Variants in CREBBP observed in about 807,000 individuals in gnomAD.
CREBBP encodes the protein CREB binding lysine acetyltransferase, also known as CREB-binding protein.
CREBBP carries 19 observed loss-of-function variants against 265.0 expected under a neutral mutation model. That is an observed-to-expected ratio of 0.07 (90% CI 0.05 to 0.11). CREBBP has a LOEUF of 0.11. Among genes scored for constraint, CREBBP ranks in the 10% least tolerant of loss-of-function variants. CREBBP has a pLI of 1.00. For synonymous variants in CREBBP, 1,457 were observed against 1,223.7 expected, an observed-to-expected ratio of 1.19 and a Z score of -3.98; for missense variants, 2,525 against 3,219.0, an observed-to-expected ratio of 0.78 and a Z score of 5.22.
chr16:3,786,724 G>A (rs2053396692), intron 5 of CREBBP, among the ~76,000 whole-genome samples: 1 of 152,146 alleles, frequency 6.6e-6, no homozygotes, highest in South Asian at 2.1e-4. Context: ...TATACCTGGG[G>A]TGTCCTGGAA....
intron 5 of CREBBP, among the ~76,000 whole-genome samples, chr16:3,788,022 A>G (rs1337465279): frequency 1.3e-5 from 2 of 152,204 alleles, no homozygotes; most frequent in Admixed American, 6.5e-5. Context: ...CAGATGGAAC[A>G]TGTTGCCAGG....
chr16:3,735,697 C>T (rs568553544), intron 28 of CREBBP, among the ~76,000 whole-genome samples: 1 of 152,278 alleles, frequency 6.6e-6, no homozygotes, highest in Admixed American at 6.5e-5. Context: ...AGAGTGGCCA[C>T]CAAACACGGA....
In CREBBP at chr16:3,853,339, G is replaced by A. The variant is rs147945637; in HGVS notation, c.86-2330C>T. Among the ~76,000 whole-genome samples, 449 of 152,304 alleles carry A rather than the reference G, an allele frequency of 2.9e-3. 6 individuals are homozygous for A. The highest frequency in any genetic ancestry group is 0.01 in the African/African-American group (429 of 41,566). ...TACTTTAAAACATCAGGCCGGGTGC[G>A]GTGGCTCACGCCTGTAATCCCAGCA... On this transcript the variant is annotated intron_variant, in intron 1 of 30. Transcript: ENST00000262367.
In CREBBP at chr16:3,793,590, G is replaced by T; in HGVS notation, c.1012C>A (p.Gln338Lys). Residue 338 changes from glutamine to lysine, a missense_variant, in exon 4 of 31, where the codon CAA (glutamine) becomes AAA (lysine). Physicochemically the swap from Gln to Lys is moderately conservative, Grantham distance 53 (BLOSUM62 1). This residue lies in a region of CREBBP where 126 missense variants were observed against 171.9 expected (regional missense o/e 0.73). Coordinates refer to ENST00000262367, the MANE Select transcript of CREBBP (RefSeq NM_004380.3). ...GCAGTGGGGCCTGTTGCAATTGCTT[G>T]TGTGGGTACAATTCCCACTGATGTT... ...MQTSVGIVPT[Q>K]AIATGPTADP... 6.2e-7 allele frequency: 1 copy of T among 1,613,652 alleles called. No homozygotes were observed. The highest frequency in any genetic ancestry group is 8.5e-7 in the Non-Finnish European group (1 of 1,180,012).
At position 3,880,104 on chromosome 16, in the gene CREBBP, G is replaced by T. The variant is rs2141618058; in HGVS notation, c.-188C>A. ...AGGCGGCGGCCAAATCTCAGCCACA[G>T]CAACAGCGCCCCGCAGCGCTCACCG... On this transcript the variant is annotated 5_prime_UTR_variant, in exon 1 of 31. It adds an upstream start codon to the 5' untranslated region. Transcript: ENST00000262367. 4.1e-6 allele frequency: 1 copy of T among 243,724 alleles called. No individual in the cohort carries two copies. 15.1% of individuals were successfully genotyped at this position (243,724 alleles called of 1,614,324 possible). A position where few individuals can be genotyped will look rare whatever the true frequency, so the allele number is the denominator to read the frequency against.
At chr16:3,768,600 AAGG>A (rs1334260060) in intron 15 of CREBBP, among the ~76,000 whole-genome samples, 1 of 152,228 alleles carries the variant, frequency 6.6e-6, no homozygotes, top group Non-Finnish European at 1.5e-5. Flanking sequence ...ATGAGACAGG[AAGG>A]AGCAGTGGGG....
At position 3,850,341 on chromosome 16, in the gene CREBBP, C is replaced by T. The variant is rs2054803591; in HGVS notation, c.754G>A (p.Gly252Ser). 3 of 1,614,094 alleles carry T rather than the reference C, an allele frequency of 1.9e-6. No homozygotes were observed. The highest frequency in any genetic ancestry group is 1.3e-5 in the African/African-American group (1 of 74,934). Residue 252 changes from glycine to serine, a missense_variant, in exon 2 of 31, where the codon GGT (glycine) becomes AGT (serine). Transcript: ENST00000262367. ...TLTQVSPQMT[G>S]HAGLNTAQAG... ...TGTGCGGTGTTCAGTCCCGCGTGAC[C>T]AGTCATTTGCGGGGAAACCTGCGTT...
chr16:3,747,114 T>C (rs1290622446), intron 21 of CREBBP, among the ~76,000 whole-genome samples: 1 of 151,810 alleles, frequency 6.6e-6, no homozygotes. Context: ...CCAAAAGCTC[T>C]TGCTTTAATT....
At chr16:3,774,404 T>G (rs756146487) in intron 12 of CREBBP, among the ~76,000 whole-genome samples, 165 bp downstream of exon 12, 1 of 152,134 alleles carries the variant, frequency 6.6e-6, no homozygotes, top group African/African-American at 2.4e-5. Flanking sequence ...AATAATTCTG[T>G]GTAGTAATAA....
intron 2 of CREBBP, among the ~76,000 whole-genome samples, chr16:3,824,876 T>G (rs1295359966): frequency 6.6e-6 from 1 of 152,246 alleles, no homozygotes; most frequent in South Asian, 2.1e-4. Context: ...GCCTCAACAG[T>G]GTGCCCACTC....
At chr16:3,814,392 T>A (rs1330408982) in intron 2 of CREBBP, among the ~76,000 whole-genome samples, 1 of 152,058 alleles carries the variant, frequency 6.6e-6, no homozygotes, top group Non-Finnish European at 1.5e-5. Flanking sequence ...GTAGTTGAGT[T>A]CACAGGCATG....
intron 2 of CREBBP, among the ~76,000 whole-genome samples, chr16:3,833,514 A>C (rs1387200965): frequency 6.6e-6 from 1 of 152,160 alleles, no homozygotes; most frequent in Non-Finnish European, 1.5e-5. Flanking sequence ...AAAAAGGAAG[A>C]AGCAAGCTAT....
At chr16:3,839,441 G>T (rs1328195017) in intron 2 of CREBBP, among the ~76,000 whole-genome samples, 1 of 152,148 alleles carries the variant, frequency 6.6e-6, no homozygotes, top group African/African-American at 2.4e-5. Flanking sequence ...AGCACTTTGG[G>T]AGGCTGAGGC....
At position 3,731,572 on chromosome 16, in the gene CREBBP, G is replaced by C. The variant is rs1308881869; in HGVS notation, c.4891-99C>G. Reference sequence around the variant, plus strand: ...GCCACCCAGCCTGCAGAATAGGCAGGTGGCTGAGCCTGATGGCCCTGATGC... The same window carrying C: ...GCCACCCAGCCTGCAGAATAGGCAGCTGGCTGAGCCTGATGGCCCTGATGC... On this transcript the variant is annotated intron_variant, in intron 29 of 30. Transcript: ENST00000262367. The surrounding 1 kb of genome is among the most constrained non-coding windows in gnomAD (Gnocchi z 7.7). 2.2e-5 allele frequency: 33 copies of C among 1,482,118 alleles called. No individual in the cohort carries two copies. The highest frequency in any genetic ancestry group is 4.8e-5 in the East Asian group (2 of 41,808). 91.8% of individuals were successfully genotyped at this position (1,482,118 alleles called of 1,614,324 possible). A position where few individuals can be genotyped will look rare whatever the true frequency, so the allele number is the denominator to read the frequency against.
intron 5 of CREBBP, among the ~76,000 whole-genome samples, chr16:3,787,138 G>A (rs903061631): frequency 3.3e-5 from 5 of 151,666 alleles, no homozygotes; most frequent in Admixed American, 6.6e-5. Context: ...TGGCACCACC[G>A]TACCTTGCGG....
chr16:3,853,961 A>AAC (rs371504662), intron 1 of CREBBP, among the ~76,000 whole-genome samples: 7,948 of 145,176 alleles, frequency 0.055, 229 homozygotes, highest in African/African-American at 0.079. Flanking sequence ...CAAACAAACA[A>AAC]ACACACACAC....
chr16:3,764,408 T>C (rs758275325), intron 16 of CREBBP, among the ~76,000 whole-genome samples: 10 of 151,486 alleles, frequency 6.6e-5, no homozygotes, highest in Non-Finnish European at 1.0e-4. Context: ...TCCTGAGCCA[T>C]TGGGACTACA....
chr16:3,827,533 A>G (rs2054261314), intron 2 of CREBBP, among the ~76,000 whole-genome samples: 1 of 152,038 alleles, frequency 6.6e-6, no homozygotes, highest in Non-Finnish European at 1.5e-5. Flanking sequence ...CTGGGACTAC[A>G]GGCGCCCGCC....
intron 5 of CREBBP, among the ~76,000 whole-genome samples, chr16:3,784,930 T>C (rs369929904): frequency 6.6e-6 from 1 of 152,348 alleles, no homozygotes; most frequent in African/African-American, 2.4e-5. Context: ...AACATTATTA[T>C]ATTTTTATTT....
Sources: allele counts gnomAD v4.1 joint callset (sites outside exome capture counted in the v4.1 genomes callset), GRCh38; gene constraint gnomAD v4.1.1; regional missense constraint gnomAD v4.1.1; non-coding constraint Gnocchi (gnomAD v3.1); transcripts MANE v1.5; gene names NCBI Gene and HGNC (gene_info 2026-07-23, HGNC 2026-07-21).